ZDHHC20: variants seen among roughly 807,000 people sequenced by gnomAD.
ZDHHC20 encodes the protein zDHHC palmitoyltransferase 20.
In ZDHHC20, 43 loss-of-function variants were observed where a neutral mutation model predicts 57.8. The ratio of observed to expected loss-of-function variants is 0.74; its 90% CI spans 0.58 to 0.96. The LOEUF is 0.96. Among genes scored for constraint, ZDHHC20 ranks in the 40% least tolerant of loss-of-function variants. ZDHHC20 has a pLI of 0.00. For missense variants in ZDHHC20, 391 were observed against 441.1 expected, an observed-to-expected ratio of 0.89 and a Z score of 1.02; for synonymous variants, 157 against 153.0, an observed-to-expected ratio of 1.03 and a Z score of -0.19.
At position 21,391,984 on chromosome 13, in the gene ZDHHC20, T is replaced by G. The variant is rs192999997; in HGVS notation, c.595-130A>C. 716 of 1,056,356 alleles carry G rather than the reference T, an allele frequency of 6.8e-4. 2 individuals carry two copies. The African/African-American group carries it at 9.4e-3, about 14-fold the overall frequency. The allele number at this position is 1,056,356 out of a possible 1,614,324, so 65.4% of individuals were successfully genotyped here. A position where few individuals can be genotyped will look rare whatever the true frequency, so the allele number is the denominator to read the frequency against. On this transcript the variant is annotated intron_variant, in intron 7 of 12. Coordinates refer to ENST00000400590, the MANE Select transcript of ZDHHC20 (RefSeq NM_001330059.2). Reference sequence around the variant, plus strand: ...GAAAACTAATAAATTACTTAATATATCCCAATGCAACAAGGGCAAAAGCAA... The same window carrying G: ...GAAAACTAATAAATTACTTAATATAGCCCAATGCAACAAGGGCAAAAGCAA...
chr13:21,445,670 C>T lies in ZDHHC20; in HGVS notation c.118+13384G>A, dbSNP rs1043719310. On this transcript the variant is annotated intron_variant, in intron 1 of 12. Transcript: ENST00000400590. ...CCTCTTCTACTAGCATGCGAATTGG[C>T]GGCTACACAATCAATTCACTCATTC... Among the ~76,000 whole-genome samples, 6 of 152,126 alleles carry T rather than the reference C, an allele frequency of 3.9e-5. No individual in the cohort carries two copies. In the East Asian group the frequency reaches 7.7e-4, roughly 20 times the overall value.
intron 1 of ZDHHC20, among the ~76,000 whole-genome samples, chr13:21,434,499 TAA>T (rs982265871): frequency 1.3e-5 from 2 of 152,136 alleles, no homozygotes; most frequent in African/African-American, 4.8e-5. Flanking sequence ...CACAAGAAAA[TAA>T]ATATTTAATG....
Position 21,387,546 on chromosome 13 carries a change from A to C in ZDHHC20, c.816T>G (p.Gly272=), listed in dbSNP as rs1295861957. 6.5e-7 allele frequency: 1 copy of C among 1,536,594 alleles called. No homozygotes were observed. The highest frequency in any genetic ancestry group is 2.0e-5 in the Admixed American group (1 of 49,270). The change falls in exon 9 of 13, where the codon GGT becomes GGG. Residue 272 remains glycine (G), a synonymous_variant. Transcript: ENST00000400590. Reference sequence around the variant, plus strand: ...GAAGTAGCCAATATTTCTTTTCATCACCAAAGACTTGTCTCCAATTTTTAC... The same window carrying C: ...GAAGTAGCCAATATTTCTTTTCATCCCCAAAGACTTGTCTCCAATTTTTAC... The part of the protein sequence containing the change: ...GCSKNWRQVF[G]DEKKYWLLPI...
At chr13:21,379,818 C>CTGTTTTCT (rs1555253652) in intron 11 of ZDHHC20, among the ~76,000 whole-genome samples, 1 of 104,028 alleles carries the variant, frequency 9.6e-6, no homozygotes, top group Non-Finnish European at 1.9e-5. Flanking sequence ...TCTTTTTTTT[C>CTGTTTTCT]TTTTTTCTTT....
At chr13:21,403,629 T>C (rs999049353) in intron 4 of ZDHHC20, among the ~76,000 whole-genome samples, 2 of 152,146 alleles carry the variant, frequency 1.3e-5, no homozygotes, top group Non-Finnish European at 2.9e-5. Context: ...AAAAATGAAA[T>C]TGAAAGAAGC....
At chr13:21,419,473 T>C (rs998660352) in intron 3 of ZDHHC20, among the ~76,000 whole-genome samples, 4 of 152,194 alleles carry the variant, frequency 2.6e-5, no homozygotes, top group African/African-American at 4.8e-5. Context: ...TCATCAACAG[T>C]AGACCGAGTA....
At chr13:21,430,379 T>C (rs1345110266) in intron 1 of ZDHHC20, among the ~76,000 whole-genome samples, 2 of 151,630 alleles carry the variant, frequency 1.3e-5, no homozygotes, top group Non-Finnish European at 2.9e-5. Flanking sequence ...AGAGGGAACT[T>C]GTTACTGTTT....
At chr13:21,400,264 C>T in intron 7 of ZDHHC20, 109 bp downstream of exon 7, 1 of 1,052,770 alleles carries the variant, frequency 9.5e-7, no homozygotes, top group Non-Finnish European at 1.3e-6. Context: ...AAAACTCTAA[C>T]TTGTAAAATT....
intron 1 of ZDHHC20, among the ~76,000 whole-genome samples, chr13:21,437,970 C>T (rs766276586): frequency 5.3e-4 from 81 of 152,342 alleles, no homozygotes; most frequent in Non-Finnish European, 3.7e-4. Flanking sequence ...GGATTACAGG[C>T]GTGAGCCACC....
At chr13:21,378,764 A>AT in intron 11 of ZDHHC20, 26 bp from the exon 12 acceptor site, 6 of 1,090,094 alleles carry the variant, frequency 5.5e-6, no homozygotes, top group East Asian at 2.7e-5. Context: ...TATATATGAC[A>AT]TGACAAAAAA....
chr13:21,454,908 TGTTTGTTTGTTG>T (rs750917489), intron 1 of ZDHHC20, among the ~76,000 whole-genome samples: 72 of 151,318 alleles, frequency 4.8e-4, no homozygotes, highest in Middle Eastern at 3.4e-3. Context: ...CTCTTTTGTT[TGTTTGTTTGTTG>T]GTTTGTTGGT....
intron 10 of ZDHHC20, among the ~76,000 whole-genome samples, chr13:21,382,400 A>T (rs192340766): frequency 1.3e-5 from 2 of 152,366 alleles, no homozygotes; most frequent in African/African-American, 4.8e-5. Context: ...TTCATTTAAA[A>T]GGAACTATTA....
chr13:21,407,879 C>A (rs1231902084), intron 4 of ZDHHC20, among the ~76,000 whole-genome samples: 1 of 152,142 alleles, frequency 6.6e-6, no homozygotes, highest in African/African-American at 2.4e-5. Context: ...ATAGGGAATC[C>A]TTTCCCCATT....
intron 1 of ZDHHC20, among the ~76,000 whole-genome samples, chr13:21,436,987 T>C (rs896483300): frequency 6.6e-6 from 1 of 152,072 alleles, no homozygotes. Flanking sequence ...ATAAAAAAAA[T>C]TAATTTTAAA....
At chr13:21,397,215 T>C (rs1876930824) in intron 7 of ZDHHC20, among the ~76,000 whole-genome samples, 1 of 151,498 alleles carries the variant, frequency 6.6e-6, no homozygotes, top group Non-Finnish European at 1.5e-5. Context: ...GCCAACATGG[T>C]AAAACCCCGT....
At chr13:21,397,057 T>A (rs1457075947) in intron 7 of ZDHHC20, among the ~76,000 whole-genome samples, 1 of 152,198 alleles carries the variant, frequency 6.6e-6, no homozygotes, top group Non-Finnish European at 1.5e-5. Context: ...AAGTCCAATT[T>A]ATTGATCTTT....
At chr13:21,388,547 TTTAC>T (rs1405873337) in intron 8 of ZDHHC20, among the ~76,000 whole-genome samples, 3 of 151,814 alleles carry the variant, frequency 2.0e-5, no homozygotes, top group Admixed American at 2.0e-4. Flanking sequence ...AAGATGAGAG[TTTAC>T]TTGTGACTCC....
chr13:21,425,314 A>C (rs933686836), intron 2 of ZDHHC20, among the ~76,000 whole-genome samples: 14 of 152,122 alleles, frequency 9.2e-5, no homozygotes, highest in African/African-American at 3.4e-4. Context: ...TGTCTCCTCA[A>C]CCTAGCTAGA....
At chr13:21,453,746 T>C (rs1884666025) in intron 1 of ZDHHC20, among the ~76,000 whole-genome samples, 1 of 152,118 alleles carries the variant, frequency 6.6e-6, no homozygotes, top group Non-Finnish European at 1.5e-5. Context: ...TAGAAAATAA[T>C]TTGAATTTTG....
Sources: allele counts gnomAD v4.1 joint callset (sites outside exome capture counted in the v4.1 genomes callset), GRCh38; gene constraint gnomAD v4.1.1; transcripts MANE v1.5; gene names NCBI Gene and HGNC (gene_info 2026-07-23, HGNC 2026-07-21).